Variants in SLC51B observed in about 807,000 individuals in gnomAD.
SLC51B encodes the protein organic solute transporter subunit beta.
SLC51B carries 6 observed loss-of-function variants against 8.0 expected under a neutral mutation model. The ratio of observed to expected loss-of-function variants is 0.75; its 90% CI spans 0.41 to 1.48. The LOEUF is 1.48. SLC51B is among the 40% of genes most tolerant of loss of function. The probability of loss-of-function intolerance (pLI) is 0.01; values close to 1 mark genes in which losing one functional copy is unlikely to be tolerated. For synonymous variants in SLC51B, 61 were observed against 54.8 expected, an observed-to-expected ratio of 1.11 and a Z score of -0.50; for missense variants, 150 against 149.7, an observed-to-expected ratio of 1.00 and a Z score of -0.01.
At chr15:65,050,550 G>C (rs1027884339) in intron 2 of SLC51B, among the ~76,000 whole-genome samples, 5 of 152,192 alleles carry the variant, frequency 3.3e-5, no homozygotes, top group African/African-American at 9.7e-5. Flanking sequence ...GTCAAGGAAG[G>C]CCTCACTAAA....
intron 1 of SLC51B, among the ~76,000 whole-genome samples, chr15:65,047,634 G>C (rs1281617831): frequency 6.6e-6 from 1 of 152,194 alleles, no homozygotes; most frequent in Non-Finnish European, 1.5e-5. Context: ...TTACATCTGA[G>C]ACTGGATGGA....
chr15:65,052,832 A>G (rs1006266706), intron 3 of SLC51B, 134 bp from the exon 4 acceptor site: 1 of 721,178 alleles, frequency 1.4e-6, no homozygotes, highest in Non-Finnish European at 2.3e-6. Flanking sequence ...ATATCCAACC[A>G]TTGCCGCTTC....
chr15:65,048,206 A>C (rs1376542367), intron 1 of SLC51B, among the ~76,000 whole-genome samples: 1 of 151,508 alleles, frequency 6.6e-6, no homozygotes, highest in Non-Finnish European at 1.5e-5. Context: ...AAAAAAAAAA[A>C]AGTCTAAGAA....
Position 65,053,390 on chromosome 15 carries a change from G to C in SLC51B, c.*226G>C. The C allele has an allele frequency of 7.4e-7, 1 of 1,357,384 alleles. No homozygotes were observed. Among genetic ancestry groups the C allele is most frequent in the Non-Finnish European group, 9.5e-7 (1 of 1,057,358 alleles). 84.1% of individuals were successfully genotyped at this position (1,357,384 alleles called of 1,614,324 possible). A position where few individuals can be genotyped will look rare whatever the true frequency, so the allele number is the denominator to read the frequency against. On this transcript the variant is annotated 3_prime_UTR_variant, in exon 4 of 4. Transcript: ENST00000334287. ...AAATGCTCCTGGAAGGGAGCAGGTG[G>C]TATTGCATAGTTTGTTCAGATGGCA...
At chr15:65,047,734 C>A (rs2086594649) in intron 1 of SLC51B, among the ~76,000 whole-genome samples, 1 of 152,046 alleles carries the variant, frequency 6.6e-6, no homozygotes, top group South Asian at 2.1e-4. Context: ...GTAACTTTGT[C>A]TTTCCATGAT....
At chr15:65,046,538 G>A (rs928195726) in intron 1 of SLC51B, among the ~76,000 whole-genome samples, 2 of 152,170 alleles carry the variant, frequency 1.3e-5, no homozygotes, top group South Asian at 2.1e-4. Context: ...GCTGACTCTC[G>A]GTTCTGGATT....
At chr15:65,052,730 G>A (rs960958373) in intron 3 of SLC51B, among the ~76,000 whole-genome samples, 19 of 152,194 alleles carry the variant, frequency 1.2e-4, no homozygotes, top group African/African-American at 3.6e-4. Context: ...TGGAAGGTGC[G>A]GGGGTGGCAA....
intron 1 of SLC51B, among the ~76,000 whole-genome samples, chr15:65,045,845 A>G (rs562282745): frequency 6.6e-6 from 1 of 152,376 alleles, no homozygotes; most frequent in South Asian, 2.1e-4. Flanking sequence ...CTCACTTTAG[A>G]AGCAAACTGG....
At chr15:65,048,237 C>A (rs930137223) in intron 1 of SLC51B, among the ~76,000 whole-genome samples, 1 of 151,742 alleles carries the variant, frequency 6.6e-6, no homozygotes, top group African/African-American at 2.4e-5. Context: ...TTCTCCCTGA[C>A]TTCCATCTCC....
chr15:65,052,479 C>G (rs754163783), intron 3 of SLC51B, among the ~76,000 whole-genome samples: 1 of 143,392 alleles, frequency 7.0e-6, no homozygotes, highest in Non-Finnish European at 1.5e-5. Context: ...CGGCTCACTG[C>G]AACCTCTGCC....
At position 65,053,139 on chromosome 15, in the gene SLC51B, C is replaced by G. The variant is rs75962063; in HGVS notation, c.362C>G (p.Pro121Arg). 1.9e-6 allele frequency: 3 copies of G among 1,614,042 alleles called. No individual in the cohort carries two copies. The South Asian group carries it at 3.3e-5, about 18-fold the overall frequency. Reference sequence around the variant, plus strand: ...AGAGATGTGCTGTCAGTTTTCCTTCCGGATGTACCAGAAACTGAGAGCTAG... The same window carrying G: ...AGAGATGTGCTGTCAGTTTTCCTTCGGGATGTACCAGAAACTGAGAGCTAG... ...KERDVLSVFL[P>R]DVPETES is the part of the protein sequence containing the mutation. Residue 121 changes from proline to arginine, a missense_variant, in exon 4 of 4, where the codon CCG (proline) becomes CGG (arginine). Pro to Arg is a moderately radical substitution (Grantham distance 103). Transcript: ENST00000334287.
At chr15:65,052,729 C>A (rs892248719) in intron 3 of SLC51B, among the ~76,000 whole-genome samples, 3 of 152,008 alleles carry the variant, frequency 2.0e-5, no homozygotes, top group Non-Finnish European at 2.9e-5. Context: ...TTGGAAGGTG[C>A]GGGGGTGGCA....
chr15:65,050,833 C>CTTTTTTTTTTTTTTTTTTTT (rs67418433), intron 2 of SLC51B, among the ~76,000 whole-genome samples: 38 of 88,598 alleles, frequency 4.3e-4, no homozygotes, highest in African/African-American at 5.4e-4. Context: ...TCTTCTTCTT[C>CTTTTTTTTTTTTTTTTTTTT]TTCTTTTTTT....
chr15:65,049,300 A>G (rs2086616493), intron 1 of SLC51B: 1 of 151,644 alleles, frequency 6.6e-6, no homozygotes, highest in Non-Finnish European at 1.5e-5. Context: ...CCTTGCAAAT[A>G]ACAGAAACCA....
intron 1 of SLC51B, among the ~76,000 whole-genome samples, chr15:65,047,763 C>CAGAT (rs373238904): frequency 2.0e-5 from 3 of 150,020 alleles, no homozygotes; most frequent in Non-Finnish European, 4.4e-5. Context: ...GGTAGGTAGG[C>CAGAT]AGATAGATAG....
chr15:65,053,281 T>G lies in SLC51B; in HGVS notation c.*117T>G. The stretch of plus-strand genomic sequence containing the variant: ...AAGAAGCCGCTTTTTTCTTTTTCTT[T>G]CTTTCTTTTTTTTTTTCTTAGCAGA... On this transcript the variant is annotated 3_prime_UTR_variant, in exon 4 of 4. Transcript: ENST00000334287. 1 of 1,442,396 alleles carries G rather than the reference T, an allele frequency of 6.9e-7. No homozygotes were observed. Among genetic ancestry groups the G allele is most frequent in the Non-Finnish European group, 9.1e-7 (1 of 1,102,406 alleles). The allele number at this position is 1,442,396 out of a possible 1,614,324, so 89.3% of individuals were successfully genotyped here.
Position 65,047,471 on chromosome 15 carries a change from C to G in SLC51B, c.-109+1889C>G, listed in dbSNP as rs547114193. Among the ~76,000 whole-genome samples the G allele has an allele frequency of 2.6e-5, 4 of 152,240 alleles. No homozygotes were observed. In the South Asian group the frequency reaches 8.3e-4, roughly 32 times the overall value. Reference sequence around the variant, plus strand: ...AGAAACCACACAATACAGGAGTGGTCAACATGAATATCCCATGTGTCTAAA... The same window carrying G: ...AGAAACCACACAATACAGGAGTGGTGAACATGAATATCCCATGTGTCTAAA... On this transcript the variant is annotated intron_variant, in intron 1 of 3. Coordinates refer to ENST00000334287, the MANE Select transcript of SLC51B (RefSeq NM_178859.4).
intron 1 of SLC51B, among the ~76,000 whole-genome samples, chr15:65,047,069 T>C (rs2086585498): frequency 6.6e-6 from 1 of 152,110 alleles, no homozygotes; most frequent in Non-Finnish European, 1.5e-5. Context: ...TAAAAATGCA[T>C]ACAAAGGCTG....
chr15:65,046,850 T>C (rs896485380), intron 1 of SLC51B, among the ~76,000 whole-genome samples: 11 of 150,600 alleles, frequency 7.3e-5, no homozygotes, highest in Non-Finnish European at 1.3e-4. Context: ...GAGATGGAGG[T>C]TGCAGTGAGC....
Sources: allele counts gnomAD v4.1 joint callset (sites outside exome capture counted in the v4.1 genomes callset), GRCh38; gene constraint gnomAD v4.1.1; transcripts MANE v1.5; gene names NCBI Gene and HGNC (gene_info 2026-07-23, HGNC 2026-07-21).